CNTNAP5: variants seen among roughly 807,000 people sequenced by gnomAD.
The protein encoded by CNTNAP5 is contactin associated protein family member 5, also known as contactin-associated protein-like 5.
CNTNAP5 carries 72 observed loss-of-function variants against 150.2 expected under a neutral mutation model. That is an observed-to-expected ratio of 0.48 (90% CI 0.40 to 0.58). CNTNAP5 has a LOEUF of 0.58. Ranked by LOEUF, CNTNAP5 falls within the 20% of genes least tolerant of loss-of-function variation. The probability of loss-of-function intolerance (pLI) is 0.00; values close to 1 mark genes in which losing one functional copy is unlikely to be tolerated. For synonymous variants in CNTNAP5, 672 were observed against 619.8 expected (o/e 1.08, Z -1.25); for missense variants, 1,636 against 1,626.2 (o/e 1.01, Z -0.10).
intron 2 of CNTNAP5, among the ~76,000 whole-genome samples, chr2:124,229,618 G>A (rs1328757809): frequency 6.6e-6 from 1 of 152,184 alleles, no homozygotes; most frequent in Non-Finnish European, 1.5e-5. Context: ...CTATATAATT[G>A]TGGCTTAGGA....
At chr2:124,190,899 A>G (rs1303904933) in intron 1 of CNTNAP5, among the ~76,000 whole-genome samples, 1 of 152,110 alleles carries the variant, frequency 6.6e-6, no homozygotes, top group Admixed American at 6.6e-5. Flanking sequence ...ACTATGTGTT[A>G]TTTACCCCGG....
At chr2:124,679,726 G>C (rs1483768843) in intron 13 of CNTNAP5, among the ~76,000 whole-genome samples, 1 of 151,602 alleles carries the variant, frequency 6.6e-6, no homozygotes, top group Admixed American at 6.7e-5. Flanking sequence ...CACCATGCCT[G>C]GCTAATTTTT....
intron 12 of CNTNAP5, among the ~76,000 whole-genome samples, chr2:124,647,481 C>T (rs1678227216): frequency 1.3e-5 from 2 of 152,148 alleles, no homozygotes; most frequent in Non-Finnish European, 1.5e-5. Flanking sequence ...TCACTTCCAA[C>T]TTAGGCATTG....
At chr2:124,146,767 G>T (rs1181124109) in intron 1 of CNTNAP5, among the ~76,000 whole-genome samples, 1 of 152,040 alleles carries the variant, frequency 6.6e-6, no homozygotes. Flanking sequence ...TAGTTTAAAA[G>T]TTTCACAATA....
intron 19 of CNTNAP5, among the ~76,000 whole-genome samples, chr2:124,842,607 T>C (rs1682967241): frequency 1.3e-5 from 2 of 152,182 alleles, no homozygotes; most frequent in Non-Finnish European, 2.9e-5. Context: ...AGACAGGTTG[T>C]AGAATATTTT....
intron 16 of CNTNAP5, among the ~76,000 whole-genome samples, chr2:124,764,995 T>G (rs1681039525): frequency 6.6e-6 from 1 of 152,106 alleles, no homozygotes; most frequent in Non-Finnish European, 1.5e-5. Context: ...ATGTTCATGT[T>G]CAAAAGAGAG....
intron 21 of CNTNAP5, among the ~76,000 whole-genome samples, chr2:124,878,779 T>C (rs1677910306): frequency 1.3e-5 from 2 of 151,256 alleles, no homozygotes; most frequent in African/African-American, 4.9e-5. Context: ...GCCTCCTGAG[T>C]TCAAGCTATT....
At chr2:124,788,664 GATCTCGGC>G (rs1314364432) in intron 17 of CNTNAP5, among the ~76,000 whole-genome samples, 1 of 146,692 alleles carries the variant, frequency 6.8e-6, no homozygotes, top group East Asian at 2.0e-4. Context: ...GCAATGGCAT[GATCTCGGC>G]TCACTGTAGC....
chr2:124,700,331 A>G (rs1040322588), intron 13 of CNTNAP5, among the ~76,000 whole-genome samples: 1 of 152,188 alleles, frequency 6.6e-6, no homozygotes, highest in Admixed American at 6.6e-5. Context: ...GAATATCACT[A>G]CAAGTTTTTG....
intron 14 of CNTNAP5, among the ~76,000 whole-genome samples, chr2:124,751,464 C>G (rs944039847): frequency 2.0e-5 from 3 of 152,146 alleles, no homozygotes; most frequent in African/African-American, 7.2e-5. Flanking sequence ...CACATGACAC[C>G]AGGCATATCT....
At chr2:124,824,417 T>C (rs1448023618) in intron 19 of CNTNAP5, among the ~76,000 whole-genome samples, 1 of 152,126 alleles carries the variant, frequency 6.6e-6, no homozygotes, top group Non-Finnish European at 1.5e-5. Context: ...TTAAAAGAAA[T>C]AAACAAAAAT....
chr2:124,397,128 T>A (rs1242005920), intron 3 of CNTNAP5, among the ~76,000 whole-genome samples: 1 of 152,240 alleles, frequency 6.6e-6, no homozygotes, highest in Non-Finnish European at 1.5e-5. Context: ...AGAGAATTTC[T>A]TTGACACTGA....
rs560660314 is a variant in CNTNAP5 at position 124,822,177 on chromosome 2, T to C, written c.3217+23857T>C. 2.0e-4 allele frequency among the ~76,000 whole-genome samples: 30 copies of C among 152,274 alleles called. No individual in the cohort carries two copies. The South Asian group carries it at 6.0e-3, about 30-fold the overall frequency. On this transcript the variant is annotated intron_variant, in intron 19 of 23. Coordinates refer to ENST00000682447, the MANE Select transcript of CNTNAP5 (RefSeq NM_001367498.1). ...TGCTCTGTAGCCTCAGGACTTATAT[T>C]CCTGCTCATTTCCCTGGCCAATATT... is the stretch of plus-strand genomic sequence containing the variant.
At chr2:124,713,288 TC>T (rs1558746768) in intron 13 of CNTNAP5, among the ~76,000 whole-genome samples, 6 of 128,606 alleles carry the variant, frequency 4.7e-5, no homozygotes, top group African/African-American at 1.6e-4. Flanking sequence ...TTTCTTTCTT[TC>T]TTTCTTTCTT....
intron 7 of CNTNAP5, among the ~76,000 whole-genome samples, chr2:124,497,005 CA>C (rs1377683262): frequency 6.6e-6 from 1 of 152,304 alleles, no homozygotes; most frequent in Non-Finnish European, 1.5e-5. Flanking sequence ...GACTCAAGGT[CA>C]GACCAGAGCT....
At position 124,454,343 on chromosome 2, in the gene CNTNAP5, G is replaced by A. The variant is rs548439982; in HGVS notation, c.918+7406G>A. 7.2e-5 allele frequency among the ~76,000 whole-genome samples: 11 copies of A among 152,226 alleles called. No individual in the cohort carries two copies. In the East Asian group the frequency reaches 7.7e-4, roughly 11 times the overall value. On this transcript the variant is annotated intron_variant, in intron 6 of 23. Transcript: ENST00000682447. ...AATGATAAAAGGCCTTGTCCAACAG[G>A]AAATTATCACAGTCATAAATATATA...
chr2:124,506,950 C>T (rs887479966), intron 8 of CNTNAP5, among the ~76,000 whole-genome samples: 1 of 152,144 alleles, frequency 6.6e-6, no homozygotes, highest in African/African-American at 2.4e-5. Flanking sequence ...GGGAAGTTTA[C>T]ATTTTTACCC....
At chr2:124,639,452 C>G (rs1023508760) in intron 12 of CNTNAP5, among the ~76,000 whole-genome samples, 5 of 152,054 alleles carry the variant, frequency 3.3e-5, no homozygotes, top group Non-Finnish European at 7.4e-5. Context: ...ATGCTCTCAC[C>G]CTTAGAGAAG....
intron 10 of CNTNAP5, among the ~76,000 whole-genome samples, chr2:124,532,387 A>G (rs1695130410): frequency 6.6e-6 from 1 of 152,180 alleles, no homozygotes. Context: ...AAGGTGAGCC[A>G]GGTTCAAAGA....
Sources: gnomAD v4.1 joint callset for allele counts (sites outside exome capture counted in the v4.1 genomes callset) on GRCh38, gnomAD v4.1.1 for gene constraint, MANE v1.5 for transcripts, NCBI Gene and HGNC (gene_info 2026-07-23, HGNC 2026-07-21) for gene names.